The following TENM4 variants were observed in gnomAD, a reference collection of about 807,000 sequenced individuals.
TENM4 encodes teneurin-4.
A neutral mutation model predicts 243.3 loss-of-function variants in TENM4; 82 were observed. That is an observed-to-expected ratio of 0.34 (90% CI 0.28 to 0.40). The LOEUF is 0.40. Ranked by LOEUF, TENM4 falls within the 10% of genes least tolerant of loss-of-function variation. TENM4 has a pLI of 1.00. For missense variants in TENM4, 3,138 were observed against 3,673.3 expected, an observed-to-expected ratio of 0.85 and a Z score of 3.77; for synonymous variants, 1,412 against 1,456.3, an observed-to-expected ratio of 0.97 and a Z score of 0.69.
intron 28 of TENM4, among the ~76,000 whole-genome samples, chr11:78,698,464 T>C (rs1002316457): frequency 4.0e-5 from 6 of 149,806 alleles, no homozygotes; most frequent in Non-Finnish European, 1.5e-5. Flanking sequence ...GTTTCAATAA[T>C]AGCCTATGTC....
intron 1 of TENM4, among the ~76,000 whole-genome samples, chr11:79,368,697 A>G (rs926823953): frequency 6.6e-6 from 1 of 152,202 alleles, no homozygotes; most frequent in African/African-American, 2.4e-5. Flanking sequence ...TGTGGATCAT[A>G]ACAGCACCTA....
At chr11:78,829,639 T>G (rs1319748597) in intron 12 of TENM4, among the ~76,000 whole-genome samples, 1 of 152,196 alleles carries the variant, frequency 6.6e-6, no homozygotes, top group Non-Finnish European at 1.5e-5. Context: ...AATTCTACTT[T>G]GCTATCTCCT....
intron 4 of TENM4, chr11:79,096,055 T>G (rs966890280): frequency 1.3e-5 from 2 of 152,202 alleles, no homozygotes; most frequent in African/African-American, 4.8e-5. Flanking sequence ...AAGTTACAAG[T>G]GTGGATACTA....
chr11:78,940,475 AT>A (rs1345702276), intron 6 of TENM4, among the ~76,000 whole-genome samples: 1 of 152,224 alleles, frequency 6.6e-6, no homozygotes, highest in Admixed American at 6.5e-5. Context: ...CAGAGGACGA[AT>A]TCCTCTTTCC....
intron 6 of TENM4, among the ~76,000 whole-genome samples, chr11:78,987,077 C>A (rs1857936197): frequency 6.6e-6 from 1 of 152,196 alleles, no homozygotes; most frequent in African/African-American, 2.4e-5. Flanking sequence ...ACAGCAGCAG[C>A]AACAACTATT....
chr11:79,137,493 CA>C (rs200949384), intron 4 of TENM4, among the ~76,000 whole-genome samples: 9 of 151,862 alleles, frequency 5.9e-5, no homozygotes, highest in Non-Finnish European at 1.3e-4. Context: ...TGCCACCAGG[CA>C]AAAAAACCCA....
chr11:78,676,483 T>G (rs1858481832), intron 29 of TENM4, 96 bp from the exon 30 acceptor site: 6 of 942,836 alleles, frequency 6.4e-6, no homozygotes, highest in Non-Finnish European at 8.9e-6. Flanking sequence ...TAAAGGATGC[T>G]TTTCCTAACT....
intron 28 of TENM4, among the ~76,000 whole-genome samples, chr11:78,689,963 G>T (rs1858778804): frequency 6.6e-6 from 1 of 152,226 alleles, no homozygotes; most frequent in Non-Finnish European, 1.5e-5. Flanking sequence ...ATGGCAGGCA[G>T]TGCTGTGGCC....
At chr11:79,345,174 A>G (rs1038617010) in intron 1 of TENM4, among the ~76,000 whole-genome samples, 3 of 152,222 alleles carry the variant, frequency 2.0e-5, no homozygotes, top group Non-Finnish European at 4.4e-5. Context: ...TGTTGTCTCA[A>G]TTCTATTCTC....
intron 28 of TENM4, among the ~76,000 whole-genome samples, chr11:78,694,408 G>A (rs142773315): frequency 0.014 from 2,172 of 152,264 alleles, 32 homozygotes; most frequent in East Asian, 0.035. Flanking sequence ...CTGGATCAGA[G>A]CCAGAGCACT....
At chr11:79,252,745 A>G (rs1017974685) in intron 2 of TENM4, among the ~76,000 whole-genome samples, 2 of 152,086 alleles carry the variant, frequency 1.3e-5, no homozygotes, top group Non-Finnish European at 2.9e-5. Flanking sequence ...TTCTGCTGCC[A>G]TGAAAAGAAT....
intron 9 of TENM4, among the ~76,000 whole-genome samples, chr11:78,876,610 G>A (rs1859273799): frequency 6.6e-6 from 1 of 152,166 alleles, no homozygotes. Context: ...AATCCCACAG[G>A]GATAGGTTCA....
chr11:79,424,752 G>A (rs1859013212), intron 1 of TENM4, among the ~76,000 whole-genome samples: 1 of 152,292 alleles, frequency 6.6e-6, no homozygotes, highest in Admixed American at 6.5e-5. Flanking sequence ...GGTTAACACG[G>A]TGAAATCCCA....
At chr11:79,104,661 C>T (rs755042645) in intron 4 of TENM4, among the ~76,000 whole-genome samples, 1 of 152,224 alleles carries the variant, frequency 6.6e-6, no homozygotes, top group Non-Finnish European at 1.5e-5. Flanking sequence ...AGCAATGCTG[C>T]CAATGAGCAT....
chr11:79,363,752 G>A (rs1045881491), intron 1 of TENM4, among the ~76,000 whole-genome samples: 3 of 152,192 alleles, frequency 2.0e-5, no homozygotes, highest in Non-Finnish European at 4.4e-5. Context: ...TTTACTAAAT[G>A]ATACTAAAAA....
At chr11:79,256,647 T>C (rs1855705435) in intron 2 of TENM4, among the ~76,000 whole-genome samples, 1 of 152,236 alleles carries the variant, frequency 6.6e-6, no homozygotes, top group African/African-American at 2.4e-5. Context: ...ACTGTCCATG[T>C]CAGGTTTGTC....
intron 2 of TENM4, among the ~76,000 whole-genome samples, chr11:79,250,775 G>T (rs755280940): frequency 2.0e-5 from 3 of 152,236 alleles, no homozygotes; most frequent in Non-Finnish European, 4.4e-5. Context: ...GGCAAATTTA[G>T]ACAACAACTT....
At chr11:79,106,826 T>C (rs984678984) in intron 4 of TENM4, among the ~76,000 whole-genome samples, 2 of 152,226 alleles carry the variant, frequency 1.3e-5, no homozygotes, top group African/African-American at 4.8e-5. Flanking sequence ...TACCTCTTCA[T>C]GGCAGCTGCC....
chr11:79,055,345 G>C (rs1391537073), intron 6 of TENM4, among the ~76,000 whole-genome samples: 1 of 151,972 alleles, frequency 6.6e-6, no homozygotes, highest in Non-Finnish European at 1.5e-5. Flanking sequence ...AGATTCAAGT[G>C]ATCCTCCCAC....
Sources: gnomAD v4.1 joint callset for allele counts (sites outside exome capture counted in the v4.1 genomes callset) on GRCh38, gnomAD v4.1.1 for gene constraint, MANE v1.5 for transcripts, NCBI Gene and HGNC (gene_info 2026-07-23, HGNC 2026-07-21) for gene names.